PLA2G4C: variants seen among roughly 807,000 people sequenced by gnomAD.
PLA2G4C encodes the protein cytosolic phospholipase A2 gamma.
Under a neutral mutation model 73.8 loss-of-function variants are expected in PLA2G4C, and 64 were observed. The ratio of observed to expected loss-of-function variants is 0.87; its 90% confidence interval spans 0.71 to 1.07. The LOEUF (loss-of-function observed/expected upper bound fraction) is 1.07. Ranked by LOEUF, PLA2G4C falls within the 50% of genes least tolerant of loss-of-function variation. The pLI is 0.00. For missense variants in PLA2G4C, 622 were observed against 665.4 expected, an observed-to-expected ratio of 0.93 and a Z score of 0.72; for synonymous variants, 254 against 252.1, an observed-to-expected ratio of 1.01 and a Z score of -0.07.
Position 48,110,603 on chromosome 19 carries a change from C to G in PLA2G4C, c.-149G>C. 2 of 469,586 alleles carry G rather than the reference C, an allele frequency of 4.3e-6. No homozygotes were observed. Among genetic ancestry groups the G allele is most frequent in the South Asian group, 4.2e-5 (1 of 23,920 alleles). The allele number at this position is 469,586 out of a possible 1,614,324, so 29.1% of individuals were successfully genotyped here. On this transcript the variant is annotated 5_prime_UTR_variant, in exon 1 of 17. Coordinates refer to ENST00000599921, the MANE Select transcript of PLA2G4C (RefSeq NM_003706.3). ...GTAGTCGCTGGACAGCTCCTTCAGC[C>G]GGAATCTCCGCGGGTGAAGACTGCG...
At chr19:48,055,636 G>GCACTT (rs1967912138) in intron 14 of PLA2G4C, among the ~76,000 whole-genome samples, 1 of 28,576 alleles carries the variant, frequency 3.5e-5, no homozygotes, top group Admixed American at 4.4e-4. Flanking sequence ...CACCGTGAAG[G>GCACTT]TACTTTTCTT....
intron 13 of PLA2G4C, among the ~76,000 whole-genome samples, chr19:48,067,172 TG>T (rs1319964112): frequency 9.0e-6 from 1 of 110,566 alleles, no homozygotes; most frequent in Non-Finnish European, 2.0e-5. Context: ...AAATGTGTGT[TG>T]TTTTTTTTTT....
At chr19:48,050,696 A>C (rs1967694671) in intron 16 of PLA2G4C, among the ~76,000 whole-genome samples, 1 of 17,614 alleles carries the variant, frequency 5.7e-5, no homozygotes, top group Non-Finnish European at 2.0e-4. Flanking sequence ...TTTTTTTGAG[A>C]CAGGGTCTCG....
rs1016174347 is a variant in PLA2G4C at position 48,108,364 on chromosome 19, G to A, written c.-32-1803C>T. ...TTGCCCAGGCTGGTCTCATTCTCCCGGGCTCATGCAATCCTCCTGCCTCAG... is the reference window on the plus strand; with the variant it reads ...TTGCCCAGGCTGGTCTCATTCTCCCAGGCTCATGCAATCCTCCTGCCTCAG... On this transcript the variant is annotated intron_variant, in intron 1 of 16. Transcript: ENST00000599921. Among the ~76,000 whole-genome samples the A allele has an allele frequency of 2.6e-5, 4 of 152,034 alleles. No individual in the cohort carries two copies. In the South Asian group the frequency reaches 6.2e-4, roughly 24 times the overall value.
intron 15 of PLA2G4C, 29 bp from the exon 16 acceptor site, chr19:48,053,176 AG>A: frequency 2.0e-6 from 3 of 1,514,704 alleles, no homozygotes; most frequent in Non-Finnish European, 2.7e-6. Context: ...AACAAAGAAA[AG>A]GCATCATGAG....
chr19:48,106,598 C>T (rs2032249641), intron 1 of PLA2G4C, 37 bp from the exon 2 acceptor site: 1 of 1,582,020 alleles, frequency 6.3e-7, no homozygotes, highest in Non-Finnish European at 8.7e-7. Context: ...CCTGTGCCCA[C>T]TGTTGGGCTT....
At chr19:48,066,331 C>T (rs774250286) in intron 13 of PLA2G4C, among the ~76,000 whole-genome samples, 9 of 152,154 alleles carry the variant, frequency 5.9e-5, no homozygotes, top group Non-Finnish European at 1.2e-4. Flanking sequence ...GAGAAAGCGA[C>T]TTCATCCAAC....
intron 14 of PLA2G4C, among the ~76,000 whole-genome samples, chr19:48,056,784 A>T (rs1040925737): frequency 6.7e-6 from 1 of 149,526 alleles, no homozygotes; most frequent in African/African-American, 2.4e-5. Context: ...GTGAGCCCAG[A>T]TAGCACCACT....
chr19:48,062,017 C>T lies in PLA2G4C; in HGVS notation c.1238G>A (p.Ser413Asn), dbSNP rs754900613. 6.2e-7 allele frequency: 1 copy of T among 1,613,940 alleles called. No individual in the cohort carries two copies. The highest frequency in any genetic ancestry group is 8.5e-7 in the Non-Finnish European group (1 of 1,179,984). The change falls in exon 14 of 17, where the codon AGT (serine) becomes AAT (asparagine). Residue 413 changes from serine (S) to asparagine (N), a missense_variant. By Grantham distance (46) the Ser-to-Asn change is conservative. Coordinates refer to ENST00000599921, the MANE Select transcript of PLA2G4C (RefSeq NM_003706.3). ...EVHLILSFDF[S>N]AGDPFETIRA... ...GATTACCTCGAAAGGATCTCCGGCA[C>T]TGAAGTCGAAGGAGAGGATGAGGTG...
intron 8 of PLA2G4C, 112 bp downstream of exon 8, chr19:48,090,252 G>A (rs2031219535): frequency 1.2e-6 from 1 of 812,628 alleles, no homozygotes. Flanking sequence ...AAAAGCAGTT[G>A]CTAGAACAAT....
intron 14 of PLA2G4C, 93 bp downstream of exon 14, chr19:48,061,905 C>T: frequency 3.7e-6 from 5 of 1,343,948 alleles, no homozygotes; most frequent in Non-Finnish European, 5.2e-6. Context: ...CCATTGCCCG[C>T]TTCCCAGCCC....
chr19:48,050,717 G>A (rs185618173), intron 16 of PLA2G4C, among the ~76,000 whole-genome samples: 72 of 115,202 alleles, frequency 6.2e-4, no homozygotes, highest in African/African-American at 2.1e-3. Flanking sequence ...CTCTGTCATC[G>A]AAGCTGGAGT....
chr19:48,095,730 T>C (rs2031534631), intron 6 of PLA2G4C, 126 bp from the exon 7 acceptor site: 7 of 1,017,984 alleles, frequency 6.9e-6, no homozygotes, highest in Middle Eastern at 2.2e-4. Flanking sequence ...AGATGGACTG[T>C]GTGGTATCAG....
intron 10 of PLA2G4C, among the ~76,000 whole-genome samples, chr19:48,081,563 G>C (rs1392230194): frequency 6.6e-6 from 1 of 151,864 alleles, no homozygotes; most frequent in Non-Finnish European, 1.5e-5. Context: ...TTCGAGACCA[G>C]TCTGAGCAAC....
At chr19:48,068,086 C>T (rs1968511456) in intron 12 of PLA2G4C, among the ~76,000 whole-genome samples, 200 bp from the exon 13 acceptor site, 1 of 152,068 alleles carries the variant, frequency 6.6e-6, no homozygotes, top group African/African-American at 2.4e-5. Context: ...GAAGGATCAC[C>T]ATATCAAGAG....
chr19:48,092,834 C>T lies in PLA2G4C; in HGVS notation c.710-2417G>A, dbSNP rs142246671. Among the ~76,000 whole-genome samples the T allele has an allele frequency of 1.2e-3, 178 of 152,220 alleles. 4 individuals are homozygous for T. The East Asian group carries it at 0.029, about 25-fold the overall frequency. ...TGAAAAGTGTTATGGAGATGGATGG[C>T]AGTGATGGTTGCACAACATTATGAA... On this transcript the variant is annotated intron_variant, in intron 7 of 16. Transcript: ENST00000599921.
intron 15 of PLA2G4C, among the ~76,000 whole-genome samples, chr19:48,053,628 G>A (rs8107829): frequency 0.61 from 92,937 of 151,868 alleles, 29,824 homozygotes; most frequent in East Asian, 0.9. Flanking sequence ...CCGGCTTGGC[G>A]TCCCAAAGTG....
chr19:48,074,658 C>G lies in PLA2G4C; in HGVS notation c.1006+109G>C, dbSNP rs551626015. 6.5e-5 allele frequency: 49 copies of G among 757,050 alleles called. No individual in the cohort carries two copies. In the South Asian group the frequency reaches 6.9e-4, roughly 11 times the overall value. 46.9% of individuals were successfully genotyped at this position (757,050 alleles called of 1,614,324 possible). ...TATCCAAACTGTACCAGTGGGACAT[C>G]TGGTCATGTCCCCTGCAGGACTGGC... On this transcript the variant is annotated intron_variant, in intron 12 of 16. Coordinates refer to ENST00000599921, the MANE Select transcript of PLA2G4C (RefSeq NM_003706.3).
Position 48,062,106 on chromosome 19 carries a change from C to A in PLA2G4C, c.1149G>T (p.Leu383=). The A allele has an allele frequency of 1.2e-6, 2 of 1,608,956 alleles. No individual in the cohort carries two copies. Among genetic ancestry groups the A allele is most frequent in the Non-Finnish European group, 1.7e-6 (2 of 1,177,212 alleles). ...KIMSSRKHLH[L]VDAGLAINTP... ...TGTTGATGGCTAAACCAGCATCCAC[C>A]AGGTGGAGGTGCTTCCGGCTGCTCA... Residue 383 remains leucine (L), a synonymous_variant, in exon 14 of 17, where the codon CTG becomes CTT. Coordinates refer to ENST00000599921, the MANE Select transcript of PLA2G4C (RefSeq NM_003706.3).
Sources: allele counts gnomAD v4.1 joint callset (sites outside exome capture counted in the v4.1 genomes callset), GRCh38; gene constraint gnomAD v4.1.1; transcripts MANE v1.5; gene names NCBI Gene and HGNC (gene_info 2026-07-23, HGNC 2026-07-21).